Variants in PIKFYVE observed in about 807,000 individuals in gnomAD.
The protein encoded by PIKFYVE is 1-phosphatidylinositol 3-phosphate 5-kinase.
A neutral mutation model predicts 257.9 loss-of-function variants in PIKFYVE; 122 were observed. The ratio of observed to expected loss-of-function variants is 0.47; its 90% CI spans 0.41 to 0.55. The LOEUF (loss-of-function observed/expected upper bound fraction) is 0.55. PIKFYVE is among the 20% of genes least tolerant of loss of function. The pLI is 0.00. For synonymous variants in PIKFYVE, 892 were observed against 868.9 expected, an observed-to-expected ratio of 1.03 and a Z score of -0.47; for missense variants, 2,160 against 2,536.6, an observed-to-expected ratio of 0.85 and a Z score of 3.19.
rs572162444 is a variant in PIKFYVE at position 208,330,422 on chromosome 2, A to G, written c.3792-101A>G. 33 of 1,379,316 alleles carry G rather than the reference A, an allele frequency of 2.4e-5. No individual in the cohort carries two copies. In the African/African-American group the frequency reaches 4.3e-4, roughly 18 times the overall value. The allele number at this position is 1,379,316 out of a possible 1,614,324, so 85.4% of individuals were successfully genotyped here. On this transcript the variant is annotated intron_variant, in intron 22 of 41. Coordinates refer to ENST00000264380, the MANE Select transcript of PIKFYVE (RefSeq NM_015040.4). Reference sequence around the variant, plus strand: ...TCAGCTGCAGGCTCAGAGCAGCATGAGTACCTTGTGCAGATTGTTCACTAG... The same window carrying G: ...TCAGCTGCAGGCTCAGAGCAGCATGGGTACCTTGTGCAGATTGTTCACTAG...
intron 19 of PIKFYVE, 77 bp from the exon 20 acceptor site, chr2:208,325,193 G>T: frequency 6.4e-7 from 1 of 1,557,750 alleles, no homozygotes. Flanking sequence ...CAGATATTAA[G>T]AGAGTGAATT....
chr2:208,283,032 G>A (rs995050834), intron 5 of PIKFYVE, among the ~76,000 whole-genome samples: 6 of 152,176 alleles, frequency 3.9e-5, no homozygotes, highest in African/African-American at 1.4e-4. Flanking sequence ...TATGGCTTGT[G>A]TGCTGCTTGC....
chr2:208,325,458 T>C lies in PIKFYVE; in HGVS notation c.2647T>C (p.Leu883=). ...LMDEFAMPPT[L]MQNPSFHSLI... The stretch of plus-strand genomic sequence containing the variant: ...GGATGAATTTGCTATGCCTCCCACA[T>C]TAATGCAAAACCCTTCATTCCATTC... The change falls in exon 20 of 42, where the codon TTA becomes CTA. Residue 883 remains leucine, a synonymous_variant. Transcript: ENST00000264380. 6.2e-7 allele frequency: 1 copy of C among 1,614,162 alleles called. No individual in the cohort carries two copies. Among genetic ancestry groups the C allele is most frequent in the Non-Finnish European group, 8.5e-7 (1 of 1,180,014 alleles).
chr2:208,342,794 CTTT>C (rs35986928), intron 32 of PIKFYVE, 145 bp downstream of exon 32: 1,783 of 376,870 alleles, frequency 4.7e-3, no homozygotes, highest in East Asian at 7.8e-3. Context: ...ATAGCTTGTT[CTTT>C]TTTTTTTTTT....
At chr2:208,325,090 A>C in intron 19 of PIKFYVE, 53 bp downstream of exon 19, 1 of 1,609,702 alleles carries the variant, frequency 6.2e-7, no homozygotes, top group Non-Finnish European at 8.5e-7. Flanking sequence ...ACTTATCACT[A>C]CTACAATGTT....
chr2:208,271,770 G>A, intron 2 of PIKFYVE, 79 bp downstream of exon 2: 1 of 1,366,540 alleles, frequency 7.3e-7, no homozygotes, highest in African/African-American at 1.4e-5. Flanking sequence ...GGCTCACCAT[G>A]ATCATATAGT....
Position 208,315,380 on chromosome 2 carries a change from T to C in PIKFYVE, c.2007+7T>C. ...GTTTGTCCACATCAAAAAAGTGAGC[T>C]CTGCTAATGTTTTACTAATGCTAGG... is the stretch of plus-strand genomic sequence containing the variant. On this transcript the variant is annotated splice_region_variant and intron_variant, in intron 15 of 41. Transcript: ENST00000264380. 1.2e-6 allele frequency: 2 copies of C among 1,613,872 alleles called. No individual in the cohort carries two copies. The highest frequency in any genetic ancestry group is 1.7e-6 in the Non-Finnish European group (2 of 1,179,792).
Position 208,315,389 on chromosome 2 carries a change from G to C in PIKFYVE, c.2007+16G>C. The C allele has an allele frequency of 1.2e-6, 2 of 1,613,326 alleles. No homozygotes were observed. Among genetic ancestry groups the C allele is most frequent in the Admixed American group, 1.7e-5 (1 of 60,012 alleles). ...CATCAAAAAAGTGAGCTCTGCTAAT[G>C]TTTTACTAATGCTAGGAACTGATGA... On this transcript the variant is annotated intron_variant, in intron 15 of 41. Coordinates refer to ENST00000264380, the MANE Select transcript of PIKFYVE (RefSeq NM_015040.4).
intron 9 of PIKFYVE, 78 bp downstream of exon 9, chr2:208,301,172 C>G (rs928756012): frequency 6.4e-7 from 1 of 1,554,130 alleles, no homozygotes; most frequent in African/African-American, 1.4e-5. Flanking sequence ...GTAAGAGTTA[C>G]AGATTTCTTT....
Position 208,346,009 on chromosome 2 carries a change from G to T in PIKFYVE, c.5112-41G>T, listed in dbSNP as rs554909518. 4 of 1,475,672 alleles carry T rather than the reference G, an allele frequency of 2.7e-6. No homozygotes were observed. In the Admixed American group the frequency reaches 6.7e-5, roughly 25 times the overall value. 91.4% of individuals were successfully genotyped at this position (1,475,672 alleles called of 1,614,324 possible). ...GTACTTACTATTTTCTGTTTGACTT[G>T]TATAAAACTAAATTTTTCTTTTTTT... On this transcript the variant is annotated intron_variant, in intron 33 of 41. Transcript: ENST00000264380.
chr2:208,349,485 T>G (rs1699561337), intron 35 of PIKFYVE, among the ~76,000 whole-genome samples: 2 of 149,914 alleles, frequency 1.3e-5, no homozygotes, highest in Non-Finnish European at 3.0e-5. Flanking sequence ...TATTAATATA[T>G]AATTGTATTA....
At chr2:208,347,233 A>C (rs574191648) in intron 34 of PIKFYVE, among the ~76,000 whole-genome samples, 1 of 152,204 alleles carries the variant, frequency 6.6e-6, no homozygotes, top group Admixed American at 6.5e-5. Flanking sequence ...GTAAATGGTA[A>C]ATTTGCAAGA....
intron 17 of PIKFYVE, among the ~76,000 whole-genome samples, chr2:208,322,921 C>T (rs1015066300): frequency 6.9e-6 from 1 of 144,616 alleles, no homozygotes; most frequent in Non-Finnish European, 1.5e-5. Flanking sequence ...GTTGAATTCC[C>T]ACCTATGAGT....
Position 208,352,738 on chromosome 2 carries a change from C to G in PIKFYVE, c.5800C>G (p.Leu1934Val). The part of the protein sequence containing the change: ...SQNNTEKKLD[L>V]LVMENLFYGR... ...GAACAACACTGAGAAGAAGTTAGATCTCCTTGTCATGGAAAATCTTTTCTA... is the reference window on the plus strand; with the variant it reads ...GAACAACACTGAGAAGAAGTTAGATGTCCTTGTCATGGAAAATCTTTTCTA... Residue 1934 changes from leucine (L) to valine (V), a missense_variant, in exon 39 of 42, where the codon CTC becomes GTC. Transcript: ENST00000264380. 6.2e-7 allele frequency: 1 copy of G among 1,613,708 alleles called. No homozygotes were observed. The highest frequency in any genetic ancestry group is 8.5e-7 in the Non-Finnish European group (1 of 1,179,792).
chr2:208,345,462 A>G (rs923799287), intron 33 of PIKFYVE, among the ~76,000 whole-genome samples: 1 of 152,158 alleles, frequency 6.6e-6, no homozygotes, highest in African/African-American at 2.4e-5. Flanking sequence ...AAAAATGAAA[A>G]GGTGTTTTTA....
At chr2:208,328,346 A>G (rs1348289445) in intron 21 of PIKFYVE, 66 bp downstream of exon 21, 21 of 1,595,378 alleles carry the variant, frequency 1.3e-5, no homozygotes, top group Non-Finnish European at 1.6e-5. Flanking sequence ...AAAAAAAACA[A>G]AAACAAAAAA....
chr2:208,280,881 T>C (rs1204302738), intron 5 of PIKFYVE, among the ~76,000 whole-genome samples: 2 of 152,226 alleles, frequency 1.3e-5, no homozygotes, highest in African/African-American at 4.8e-5. Flanking sequence ...CTATTCTGAT[T>C]ATTGCTTTGA....
In PIKFYVE at chr2:208,319,108, C is replaced by T. The variant is rs536316481; in HGVS notation, c.2083-1144C>T. ...ACATTCAAAACAGAGATACCCTGGC[C>T]CCACTTCTGGGGATACTGATTTTGT... On this transcript the variant is annotated intron_variant, in intron 16 of 41. Transcript: ENST00000264380. Among the ~76,000 whole-genome samples the T allele has an allele frequency of 3.9e-5, 6 of 152,274 alleles. No homozygotes were observed. In the South Asian group the frequency reaches 1.2e-3, roughly 32 times the overall value.
At chr2:208,326,856 C>CT (rs578199608) in intron 20 of PIKFYVE, among the ~76,000 whole-genome samples, 4 of 152,000 alleles carry the variant, frequency 2.6e-5, no homozygotes, top group Non-Finnish European at 5.9e-5. Context: ...AAAGTTAGCT[C>CT]TTTTTTTAAC....
Sources: gnomAD v4.1 joint callset for allele counts (sites outside exome capture counted in the v4.1 genomes callset) on GRCh38, gnomAD v4.1.1 for gene constraint, MANE v1.5 for transcripts, NCBI Gene and HGNC (gene_info 2026-07-23, HGNC 2026-07-21) for gene names.